SMG7: variants seen among roughly 807,000 people sequenced by gnomAD.
SMG7 encodes the protein SMG7 nonsense mediated mRNA decay factor.
A neutral mutation model predicts 148.2 loss-of-function variants in SMG7; 34 were observed. The observed-to-expected ratio is 0.23, with a 90% CI of 0.17 to 0.31. The LOEUF is 0.31. Among genes scored for constraint, SMG7 ranks in the 10% least tolerant of loss-of-function variants. The pLI is 1.00. For synonymous variants in SMG7, 492 were observed against 515.1 expected (o/e 0.96, Z 0.61); for missense variants, 1,114 against 1,408.4 (o/e 0.79, Z 3.35).
At chr1:183,485,259 TTTTA>T (rs1287873046) in intron 1 of SMG7, among the ~76,000 whole-genome samples, 1 of 152,172 alleles carries the variant, frequency 6.6e-6, no homozygotes, top group Non-Finnish European at 1.5e-5. Context: ...ATGATTTTAT[TTTTA>T]TTTTATTTTT....
rs757787584 is a variant in SMG7, at chr1:183,553,608, G to GGCCCCCCCC, written c.*1677_*1678insGCCCCCCCC. The GGCCCCCCCC allele has an allele frequency of 7.8e-6, 1 of 128,298 alleles. No homozygotes were observed. Among genetic ancestry groups the GGCCCCCCCC allele is most frequent in the Non-Finnish European group, 1.7e-5 (1 of 59,304 alleles). 7.9% of individuals were successfully genotyped at this position (128,298 alleles called of 1,614,324 possible). A position where few individuals can be genotyped will look rare whatever the true frequency, so the allele number is the denominator to read the frequency against. On this transcript the variant is annotated 3_prime_UTR_variant, in exon 23 of 23. Transcript: ENST00000688051. Reference sequence around the variant, plus strand: ...TTGCTCTTCAGAGAGAGTGGTTGGAGCCCCCCCCGCCCCGTATGCTTACAT... The same window carrying GGCCCCCCCC: ...TTGCTCTTCAGAGAGAGTGGTTGGAGGCCCCCCCCCCCCCCCCGCCCCGTATGCTTACAT...
chr1:183,477,420 A>G (rs201841971), intron 1 of SMG7, among the ~76,000 whole-genome samples: 28 of 134,000 alleles, frequency 2.1e-4, no homozygotes, highest in South Asian at 4.9e-4. Context: ...GTGTGTGTGT[A>G]TGTGTGCATA....
chr1:183,513,211 G>A (rs922974304), intron 2 of SMG7: 2 of 196,394 alleles, frequency 1.0e-5, no homozygotes, highest in South Asian at 1.9e-4. Context: ...TACAGTGTTA[G>A]GCTAATATCT....
At chr1:183,550,669 A>C (rs1670852085) in intron 20 of SMG7, 82 bp from the exon 21 acceptor site, 1 of 1,348,214 alleles carries the variant, frequency 7.4e-7, no homozygotes, top group South Asian at 1.3e-5. Flanking sequence ...AATTTTAGTG[A>C]TCAGATCTAC....
intron 1 of SMG7, among the ~76,000 whole-genome samples, chr1:183,499,382 C>T (rs928131821): frequency 2.6e-5 from 4 of 152,116 alleles, no homozygotes; most frequent in Admixed American, 6.6e-5. Context: ...TGAGAGTTCC[C>T]GATGCTCCAC....
At chr1:183,531,846 T>C (rs978020756) in intron 8 of SMG7, among the ~76,000 whole-genome samples, 2 of 152,148 alleles carry the variant, frequency 1.3e-5, no homozygotes, top group African/African-American at 2.4e-5. Context: ...CAGTATTATT[T>C]GAATAAACGC....
chr1:183,542,244 T>A lies in SMG7; in HGVS notation c.1584T>A (p.Ser528=). The change falls in exon 14 of 23, where the codon TCT becomes TCA. Residue 528 remains serine, a synonymous_variant. Transcript: ENST00000688051. ...DGSPGLKSVL[S]TSRNLSNNCD... is the part of the protein sequence containing the mutation. ...GCCCAGGGCTAAAATCAGTGCTATC[T>A]ACAAGCCGAAATTTAAGCAACAACT... is the stretch of plus-strand genomic sequence containing the variant. The A allele has an allele frequency of 6.2e-7, 1 of 1,614,100 alleles. No homozygotes were observed. The highest frequency in any genetic ancestry group is 8.5e-7 in the Non-Finnish European group (1 of 1,179,986).
In SMG7 at chr1:183,552,301, G is replaced by A. The variant is rs1053036064; in HGVS notation, c.*370G>A. 16 of 1,007,862 alleles carry A rather than the reference G, an allele frequency of 1.6e-5. No homozygotes were observed. The highest frequency in any genetic ancestry group is 5.9e-5 in the Admixed American group (1 of 17,086). The allele number at this position is 1,007,862 out of a possible 1,614,324, so 62.4% of individuals were successfully genotyped here. A position where few individuals can be genotyped will look rare whatever the true frequency, so the allele number is the denominator to read the frequency against. On this transcript the variant is annotated 3_prime_UTR_variant, in exon 23 of 23. Coordinates refer to ENST00000688051, the MANE Select transcript of SMG7 (RefSeq NM_001375584.1). ...GGGAGAAGCCAATGGGAACTTCTCAGTCCTTTTTTCCTCTTTGGGGAATAA... is the reference window on the plus strand; with the variant it reads ...GGGAGAAGCCAATGGGAACTTCTCAATCCTTTTTTCCTCTTTGGGGAATAA...
intron 13 of SMG7, 35 bp from the exon 14 acceptor site, chr1:183,542,040 TG>T: frequency 6.5e-7 from 1 of 1,534,522 alleles, no homozygotes; most frequent in Non-Finnish European, 8.8e-7. Flanking sequence ...TTTAAGTTAA[TG>T]TTTTTTATAT....
Position 183,524,469 on chromosome 1 carries a change from A to AATGGAGTAATACATTTC in SMG7, c.313-2127_313-2126insATGGAGTAATACATTTC, listed in dbSNP as rs1242724166. 6.6e-5 allele frequency among the ~76,000 whole-genome samples: 10 copies of AATGGAGTAATACATTTC among 152,288 alleles called. No homozygotes were observed. In the South Asian group the frequency reaches 1.2e-3, roughly 19 times the overall value. On this transcript the variant is annotated intron_variant, in intron 4 of 22. Transcript: ENST00000688051. ...TGAATTTCTTGCCCATTACAAATGTACAAGTAAAGATGGAGTAAATAATTT... is the reference window on the plus strand; with the variant it reads ...TGAATTTCTTGCCCATTACAAATGTAATGGAGTAATACATTTCCAAGTAAAGATGGAGTAAATAATTT...
At position 183,553,171 on chromosome 1, in the gene SMG7, A is replaced by G. The variant is rs751313716; in HGVS notation, c.*1240A>G. On this transcript the variant is annotated 3_prime_UTR_variant, in exon 23 of 23. Transcript: ENST00000688051. The stretch of plus-strand genomic sequence containing the variant: ...CACAGAAGAAAACACGACGTCGTCC[A>G]TTTTGGAAGAGACGAAAGAAAGGAA... The G allele has an allele frequency of 1.1e-5, 17 of 1,536,362 alleles. No homozygotes were observed. Among genetic ancestry groups the G allele is most frequent in the South Asian group, 7.1e-5 (6 of 84,056 alleles).
In SMG7 at chr1:183,508,135, A is replaced by G. The variant is rs1350641789; in HGVS notation, c.30-4702A>G. 8.2e-6 allele frequency: 8 copies of G among 975,902 alleles called. No homozygotes were observed. The Admixed American group carries it at 4.9e-4, about 60-fold the overall frequency. 60.5% of individuals were successfully genotyped at this position (975,902 alleles called of 1,614,324 possible). A position where few individuals can be genotyped will look rare whatever the true frequency, so the allele number is the denominator to read the frequency against. The stretch of plus-strand genomic sequence containing the variant: ...GTATGAGCATTGGCTGTAAACTTCA[A>G]TGTTAATTCATTGATGGTTTTTATA... On this transcript the variant is annotated intron_variant, in intron 1 of 22. Transcript: ENST00000688051.
At chr1:183,537,557 G>T (rs1668012065) in intron 11 of SMG7, among the ~76,000 whole-genome samples, 1 of 151,934 alleles carries the variant, frequency 6.6e-6, no homozygotes, top group African/African-American at 2.4e-5. Context: ...AGAAAATTTG[G>T]TACAAAGAAA....
chr1:183,526,157 T>TATA (rs991678400), intron 4 of SMG7, among the ~76,000 whole-genome samples: 11 of 37,936 alleles, frequency 2.9e-4, no homozygotes, highest in Middle Eastern at 0.01. Context: ...TATATATATA[T>TATA]TTTTTTTTTT....
intron 1 of SMG7, among the ~76,000 whole-genome samples, chr1:183,506,875 CT>C (rs71130622): frequency 0.013 from 1,498 of 111,792 alleles, 13 homozygotes; most frequent in African/African-American, 0.046. Flanking sequence ...ACTATATATT[CT>C]TTTTTTTTTT....
At chr1:183,550,190 C>T (rs1011510019) in intron 20 of SMG7, 2 of 332,514 alleles carry the variant, frequency 6.0e-6, no homozygotes, top group East Asian at 1.1e-4. Context: ...TTATGGTTCT[C>T]AGCTGCTTTT....
intron 1 of SMG7, among the ~76,000 whole-genome samples, chr1:183,481,268 T>C (rs1036515933): frequency 7.2e-5 from 11 of 152,196 alleles, no homozygotes; most frequent in Admixed American, 5.9e-4. Flanking sequence ...TAAATCTCTC[T>C]TCCCATGTCA....
chr1:183,526,477 A>G, intron 4 of SMG7, 119 bp from the exon 5 acceptor site: 1 of 636,942 alleles, frequency 1.6e-6, no homozygotes, highest in South Asian at 2.2e-5. Context: ...TATAATTTTC[A>G]TGCAGTTTTT....
chr1:183,522,414 C>T (rs1664953512), intron 4 of SMG7, among the ~76,000 whole-genome samples: 2 of 152,128 alleles, frequency 1.3e-5, no homozygotes, highest in Admixed American at 6.5e-5. Flanking sequence ...GAGTCATCAG[C>T]CCTGTTGAGT....
Sources: gnomAD v4.1 joint callset for allele counts (sites outside exome capture counted in the v4.1 genomes callset) on GRCh38, gnomAD v4.1.1 for gene constraint, MANE v1.5 for transcripts, NCBI Gene and HGNC (gene_info 2026-07-23, HGNC 2026-07-21) for gene names.